SDR42E2: variants seen among roughly 807,000 people sequenced by gnomAD.
The protein encoded by SDR42E2 is short chain dehydrogenase/reductase family 42E, member 2.
A neutral mutation model predicts 10.5 loss-of-function variants in SDR42E2; 20 were observed. That is an observed-to-expected ratio of 1.90 (90% CI 1.34 to 2.77). The LOEUF is 2.77. SDR42E2 is among the 30% of genes most tolerant of loss of function. The pLI, the probability that SDR42E2 is intolerant of heterozygous loss-of-function variation, is 0.00. For synonymous variants in SDR42E2, 72 were observed against 39.2 expected (o/e 1.84, Z -3.12); for missense variants, 162 against 104.2 (o/e 1.55, Z -2.42).
At chr16:22,167,649 C>T (rs947819738) in intron 4 of SDR42E2, among the ~76,000 whole-genome samples, 1 of 152,152 alleles carries the variant, frequency 6.6e-6, no homozygotes, top group African/African-American at 2.4e-5. Context: ...CCCGTTGCCT[C>T]AGAAATTACA....
At position 22,179,471 on chromosome 16, in the gene SDR42E2, G is replaced by A. The variant is rs767190188; in HGVS notation, c.672+1259G>A. Among the ~76,000 whole-genome samples, 102 of 152,076 alleles carry A rather than the reference G, an allele frequency of 6.7e-4. 2 individuals are homozygous for A. The highest frequency in any genetic ancestry group is 2.4e-4 in the Non-Finnish European group (16 of 68,018). ...AACAGATGATTCCTGTCCTTGTGGC[G>A]TTTATCTTCTCATATGAAGAGACAG... On this transcript the variant is annotated intron_variant, in intron 8 of 12. Coordinates refer to ENST00000602312, the MANE Select transcript of SDR42E2 (RefSeq NM_001394319.2).
chr16:22,174,068 C>T (rs2046623916), intron 7 of SDR42E2, among the ~76,000 whole-genome samples: 1 of 151,672 alleles, frequency 6.6e-6, no homozygotes, highest in Admixed American at 6.6e-5. Flanking sequence ...TGCGGTGGCT[C>T]ACACTTGTAA....
chr16:22,190,586 T>G lies in SDR42E2; in HGVS notation c.*193T>G. On this transcript the variant is annotated 3_prime_UTR_variant, in exon 13 of 13. Transcript: ENST00000602312. ...GACCGCCGACTTCTGGCCACGCCCCTATCTACTCCCAGACCTTGCCTTGCG... is the reference window on the plus strand; with the variant it reads ...GACCGCCGACTTCTGGCCACGCCCCGATCTACTCCCAGACCTTGCCTTGCG... 1 of 397,770 alleles carries G rather than the reference T, an allele frequency of 2.5e-6. No individual in the cohort carries two copies. Among genetic ancestry groups the G allele is most frequent in the Non-Finnish European group, 4.4e-6 (1 of 225,784 alleles). 24.6% of individuals were successfully genotyped at this position (397,770 alleles called of 1,614,324 possible).
chr16:22,178,979 A>G lies in SDR42E2; in HGVS notation c.672+767A>G, dbSNP rs74843324. Among the ~76,000 whole-genome samples, 1,305 of 152,054 alleles carry G rather than the reference A, an allele frequency of 8.6e-3. 19 individuals carry two copies. The highest frequency in any genetic ancestry group is 0.029 in the African/African-American group (1,184 of 41,474). ...AAGTTCCAGTCTGCAGTTTCAGAAC[A>G]TTCCTCTGCTTGGCTATATGTCTTT... is the stretch of plus-strand genomic sequence containing the variant. On this transcript the variant is annotated intron_variant, in intron 8 of 12. Coordinates refer to ENST00000602312, the MANE Select transcript of SDR42E2 (RefSeq NM_001394319.2).
chr16:22,188,450 G>A (rs1014250308), intron 12 of SDR42E2, among the ~76,000 whole-genome samples: 2 of 152,214 alleles, frequency 1.3e-5, no homozygotes, highest in South Asian at 4.1e-4. Context: ...TCATTTAACT[G>A]AGTTGTAGAC....
chr16:22,166,212 G>GCCCAGAC (rs2046537646), intron 2 of SDR42E2, 38 bp from the exon 3 acceptor site: 1 of 407,454 alleles, frequency 2.5e-6, no homozygotes. Context: ...CTGGGACTGG[G>GCCCAGAC]CCCAGACCCA....
chr16:22,178,076 C>T, intron 7 of SDR42E2, 54 bp from the exon 8 acceptor site: 1 of 689,588 alleles, frequency 1.5e-6, no homozygotes, highest in Admixed American at 2.0e-5. Context: ...CTCTCTCCCT[C>T]TCCCTGTGGG....
Position 22,182,238 on chromosome 16 carries a change from TG to T in SDR42E2, c.841del (p.Glu281ArgfsTer32). ...GTGGGCAGGCGTACTACATCAACGA[TG>T]GGGAGAGCGTCAACCTCTTTGAGTG... ...ASGQAYYIND[G>X]ESVNLFEWMA... On this transcript the variant is annotated frameshift_variant, in exon 10 of 13. Coordinates refer to ENST00000602312, the MANE Select transcript of SDR42E2 (RefSeq NM_001394319.2). LOFTEE classifies it high-confidence loss of function. 1 of 402,148 alleles carries T rather than the reference TG, an allele frequency of 2.5e-6. No individual in the cohort carries two copies. Among genetic ancestry groups the T allele is most frequent in the Non-Finnish European group, 4.4e-6 (1 of 227,014 alleles). The allele number at this position is 402,148 out of a possible 1,614,324, so 24.9% of individuals were successfully genotyped here.
At chr16:22,185,000 GT>G (rs889800898) in intron 11 of SDR42E2, among the ~76,000 whole-genome samples, 3 of 152,128 alleles carry the variant, frequency 2.0e-5, no homozygotes, top group Non-Finnish European at 2.9e-5. Flanking sequence ...GGGCTGTTCT[GT>G]CCCCCAAGGT....
chr16:22,188,531 C>T (rs1000797288), intron 12 of SDR42E2, among the ~76,000 whole-genome samples: 3 of 152,186 alleles, frequency 2.0e-5, no homozygotes, highest in Admixed American at 2.0e-4. Context: ...TGATCACTCA[C>T]TTAAATGGTA....
chr16:22,178,001 G>A, intron 7 of SDR42E2, 129 bp from the exon 8 acceptor site: 1 of 582,136 alleles, frequency 1.7e-6, no homozygotes, highest in African/African-American at 1.9e-5. Context: ...ATTGAACGAG[G>A]AAGCCCCTGG....
At chr16:22,179,618 C>A (rs910940703) in intron 8 of SDR42E2, among the ~76,000 whole-genome samples, 2 of 152,018 alleles carry the variant, frequency 1.3e-5, no homozygotes, top group Non-Finnish European at 2.9e-5. Flanking sequence ...TCGAGACCAG[C>A]CTGGCCAGCA....
At chr16:22,182,370 A>C in intron 10 of SDR42E2, 93 bp downstream of exon 10, 3 of 397,110 alleles carry the variant, frequency 7.6e-6, no homozygotes, top group Non-Finnish European at 1.3e-5. Context: ...TTTTTGAGAC[A>C]GAGTTTTGCT....
intron 1 of SDR42E2, among the ~76,000 whole-genome samples, chr16:22,163,570 G>A (rs764999187): frequency 1.3e-5 from 2 of 152,102 alleles, no homozygotes; most frequent in Non-Finnish European, 2.9e-5. Context: ...AACCAGGTGT[G>A]GTGGCGCGTG....
At chr16:22,180,031 C>T (rs151328738) in intron 8 of SDR42E2, among the ~76,000 whole-genome samples, 78 of 152,124 alleles carry the variant, frequency 5.1e-4, no homozygotes, top group African/African-American at 1.8e-3. Context: ...AGATGGGAAC[C>T]TGCAGCAGTG....
chr16:22,180,073 G>A (rs1167300082), intron 8 of SDR42E2, among the ~76,000 whole-genome samples: 1 of 152,112 alleles, frequency 6.6e-6, no homozygotes, highest in Non-Finnish European at 1.5e-5. Flanking sequence ...GTGCAGCTGT[G>A]GTGGAGCGAG....
rs952988293 is a variant in SDR42E2 at position 22,191,088 on chromosome 16, C to A, written c.*695C>A. ...CTCCCTCCAGGCCCTGGCCCTGCCCCTTTTTTCCTCCCTCCGGCCTGTCCG... is the reference window on the plus strand; with the variant it reads ...CTCCCTCCAGGCCCTGGCCCTGCCCATTTTTTCCTCCCTCCGGCCTGTCCG... On this transcript the variant is annotated 3_prime_UTR_variant, in exon 13 of 13. Transcript: ENST00000602312. 2 of 154,210 alleles carry A rather than the reference C, an allele frequency of 1.3e-5. No individual in the cohort carries two copies. Among genetic ancestry groups the A allele is most frequent in the African/African-American group, 4.8e-5 (2 of 41,436 alleles). The allele number at this position is 154,210 out of a possible 1,614,324, so 9.6% of individuals were successfully genotyped here.
chr16:22,176,428 A>C (rs978770553), intron 7 of SDR42E2, among the ~76,000 whole-genome samples: 5 of 152,202 alleles, frequency 3.3e-5, no homozygotes, highest in Non-Finnish European at 7.3e-5. Flanking sequence ...TGTAGGTAAA[A>C]ACCTTAGGTA....
intron 7 of SDR42E2, among the ~76,000 whole-genome samples, chr16:22,174,886 A>C (rs1233640511): frequency 6.6e-6 from 1 of 152,114 alleles, no homozygotes; most frequent in African/African-American, 2.4e-5. Context: ...GTTTAAAATT[A>C]GCTGCAAGCT....
Sources: gnomAD v4.1 joint callset for allele counts (sites outside exome capture counted in the v4.1 genomes callset) on GRCh38, gnomAD v4.1.1 for gene constraint, MANE v1.5 for transcripts, NCBI Gene and HGNC (gene_info 2026-07-23, HGNC 2026-07-21) for gene names.